Variants in TIMP2 observed in about 807,000 individuals in gnomAD.
TIMP2 encodes the protein TIMP metallopeptidase inhibitor 2, also known as metalloproteinase inhibitor 2.
A neutral mutation model predicts 24.3 loss-of-function variants in TIMP2; 5 were observed. That is an observed-to-expected ratio of 0.21 (90% CI 0.11 to 0.43). TIMP2 has a LOEUF of 0.43. Among genes scored for constraint, TIMP2 ranks in the 20% least tolerant of loss-of-function variants. The probability of loss-of-function intolerance (pLI) is 1.00; values close to 1 mark genes in which losing one functional copy is unlikely to be tolerated. For missense variants in TIMP2, 221 were observed against 297.5 expected, an observed-to-expected ratio of 0.74 and a Z score of 1.89; for synonymous variants, 130 against 123.2, an observed-to-expected ratio of 1.06 and a Z score of -0.37.
At chr17:78,888,643 G>T (rs2069848387) in intron 1 of TIMP2, among the ~76,000 whole-genome samples, 1 of 152,092 alleles carries the variant, frequency 6.6e-6, no homozygotes, top group South Asian at 2.1e-4. Flanking sequence ...GTAGGATAGG[G>T]TCTCCCCATG....
chr17:78,891,097 T>G lies in TIMP2; in HGVS notation c.131-17178A>C. ...CCAGTTTGGGGGTCTCTTGTCCAGA[T>G]TCAGTGCTATACAATAATGAGTCCT... is the stretch of plus-strand genomic sequence containing the variant. On this transcript the variant is annotated intron_variant, in intron 1 of 4. Transcript: ENST00000262768. This position sits in a 1 kb window ranked among gnomAD's most constrained non-coding sequence, Gnocchi z 4.5. 6.4e-7 allele frequency: 1 copy of G among 1,550,846 alleles called. No homozygotes were observed. Among genetic ancestry groups the G allele is most frequent in the South Asian group, 1.2e-5 (1 of 84,060 alleles).
chr17:78,917,689 C>G (rs1332597643), intron 1 of TIMP2, among the ~76,000 whole-genome samples: 1 of 152,118 alleles, frequency 6.6e-6, no homozygotes, highest in Admixed American at 6.5e-5. Context: ...CCATGGAAGA[C>G]AACCACAGAA....
intron 3 of TIMP2, among the ~76,000 whole-genome samples, chr17:78,869,384 C>T (rs2145752626): frequency 6.7e-6 from 1 of 150,098 alleles, no homozygotes; most frequent in East Asian, 2.0e-4. Flanking sequence ...GATCGCACTC[C>T]AGCCTGGGAA....
intron 1 of TIMP2, among the ~76,000 whole-genome samples, chr17:78,886,861 A>C (rs2069829526): frequency 6.6e-6 from 1 of 152,040 alleles, no homozygotes; most frequent in Non-Finnish European, 1.5e-5. Flanking sequence ...AGTAGCTGGA[A>C]CTATAGGTGC....
At chr17:78,875,191 A>G (rs1458589825) in intron 1 of TIMP2, among the ~76,000 whole-genome samples, 3 of 152,138 alleles carry the variant, frequency 2.0e-5, no homozygotes, top group African/African-American at 4.8e-5. Flanking sequence ...GTGATTCTTT[A>G]CAGTAACACA....
intron 1 of TIMP2, among the ~76,000 whole-genome samples, chr17:78,880,280 C>T (rs560130401): frequency 1.4e-4 from 21 of 152,296 alleles, no homozygotes; most frequent in African/African-American, 5.1e-4. Flanking sequence ...CTTCATACAC[C>T]CACCAACATC....
In TIMP2 at chr17:78,857,584, T is replaced by A. The variant is rs752340133; in HGVS notation, c.403A>T (p.Thr135Ser). Residue 135 changes from threonine to serine, a missense_variant, in exon 4 of 5, where the codon ACC becomes TCC. Physicochemically the swap from Thr to Ser is moderately conservative, Grantham distance 58. Coordinates refer to ENST00000262768, the MANE Select transcript of TIMP2 (RefSeq NM_003255.5). ...CTCTTCTTCTGGGTGGTGCTCAGGG[T>A]GTCCCAGGGCACGATGAAGTCACAG... The part of the protein sequence containing the change: ...TLCDFIVPWD[T>S]LSTTQKKSLN... 1.1e-5 allele frequency: 17 copies of A among 1,614,008 alleles called. No homozygotes were observed. In the Admixed American group the frequency reaches 2.8e-4, roughly 27 times the overall value.
chr17:78,891,310 T>C lies in TIMP2; in HGVS notation c.131-17391A>G. The C allele has an allele frequency of 6.4e-7, 1 of 1,550,496 alleles. No homozygotes were observed. Among genetic ancestry groups the C allele is most frequent in the Non-Finnish European group, 8.7e-7 (1 of 1,146,958 alleles). On this transcript the variant is annotated intron_variant, in intron 1 of 4. Coordinates refer to ENST00000262768, the MANE Select transcript of TIMP2 (RefSeq NM_003255.5). This position sits in a 1 kb window ranked among gnomAD's most constrained non-coding sequence, Gnocchi z 4.5. The stretch of plus-strand genomic sequence containing the variant: ...TGGGTTCCCCGGCAGGCAGCATCTC[T>C]GGGTCTGCCATTTTCTTCCCTCTTG...
chr17:78,895,241 A>G (rs771689003), intron 1 of TIMP2, among the ~76,000 whole-genome samples: 2 of 152,234 alleles, frequency 1.3e-5, no homozygotes, highest in Non-Finnish European at 2.9e-5. Flanking sequence ...AGATTGCACC[A>G]TTGCACTCCA....
intron 3 of TIMP2, among the ~76,000 whole-genome samples, 154 bp downstream of exon 3, chr17:78,870,744 G>A (rs145580902): frequency 2.6e-5 from 4 of 151,962 alleles, no homozygotes; most frequent in Admixed American, 6.6e-5. Context: ...ATTCTCTGAC[G>A]GGAAGTGGCC....
At chr17:78,913,895 G>GGA (rs71161636) in intron 1 of TIMP2, among the ~76,000 whole-genome samples, 2,152 of 102,234 alleles carry the variant, frequency 0.021, 35 homozygotes, top group African/African-American at 0.045. Context: ...CTGTCTCGGG[G>GGA]AAAAAAAAAA....
chr17:78,892,662 G>A, intron 1 of TIMP2: 1 of 731,890 alleles, frequency 1.4e-6, no homozygotes, highest in East Asian at 2.8e-5. Context: ...AGCCTGTAGG[G>A]CAGCTGTTTT....
chr17:78,923,061 C>T (rs1203315307), intron 1 of TIMP2, among the ~76,000 whole-genome samples: 1 of 152,108 alleles, frequency 6.6e-6, no homozygotes, highest in Non-Finnish European at 1.5e-5. Flanking sequence ...GTCACAGCGG[C>T]CACAGGAAGC....
Position 78,923,750 on chromosome 17 carries a change from T to C in TIMP2, c.130+1209A>G, listed in dbSNP as rs544724159. ...AGCCACCTGAGACCTGTGATCTCAA[T>C]AGATTGGTGCAACTGAAAACTTCCC... On this transcript the variant is annotated intron_variant, in intron 1 of 4. Transcript: ENST00000262768. Among the ~76,000 whole-genome samples, 5 of 152,162 alleles carry C rather than the reference T, an allele frequency of 3.3e-5. No individual in the cohort carries two copies. The Middle Eastern group carries it at 0.014, about 414-fold the overall frequency.
chr17:78,904,519 T>C (rs2070139379), intron 1 of TIMP2: 1 of 152,162 alleles, frequency 6.6e-6, no homozygotes, highest in Non-Finnish European at 1.5e-5. Flanking sequence ...AAAGGTTATC[T>C]GGTCCCTGAC....
rs538367090 is a variant in TIMP2 at position 78,871,702 on chromosome 17, T to C, written c.232-696A>G. Among the ~76,000 whole-genome samples, 32 of 151,684 alleles carry C rather than the reference T, an allele frequency of 2.1e-4. 1 individual carries two copies. The South Asian group carries it at 6.2e-3, about 30-fold the overall frequency. Reference sequence around the variant, plus strand: ...TCTACTAAAAATACAGAAATTTAGCTGGGCGTGGTGGCGGGCGCCTGTAGT... The same window carrying C: ...TCTACTAAAAATACAGAAATTTAGCCGGGCGTGGTGGCGGGCGCCTGTAGT... On this transcript the variant is annotated intron_variant, in intron 2 of 4. Transcript: ENST00000262768.
chr17:78,870,765 C>G, intron 3 of TIMP2, 133 bp downstream of exon 3: 1 of 645,684 alleles, frequency 1.5e-6, no homozygotes, highest in South Asian at 2.1e-5. Context: ...GAGAGGGCTC[C>G]GTACCCTGCC....
intron 1 of TIMP2, among the ~76,000 whole-genome samples, chr17:78,903,888 G>C (rs1390314821): frequency 6.6e-6 from 1 of 152,106 alleles, no homozygotes; most frequent in African/African-American, 2.4e-5. Context: ...GCATCTTAAG[G>C]TCTGTGGTAA....
intron 3 of TIMP2, among the ~76,000 whole-genome samples, chr17:78,867,769 T>G (rs2069631057): frequency 6.6e-6 from 1 of 151,582 alleles, no homozygotes; most frequent in Non-Finnish European, 1.5e-5. Context: ...CTAATTTTTT[T>G]TTTGTATTTT....
Sources: allele counts gnomAD v4.1 joint callset (sites outside exome capture counted in the v4.1 genomes callset), GRCh38; gene constraint gnomAD v4.1.1; non-coding constraint Gnocchi (gnomAD v3.1); transcripts MANE v1.5; gene names NCBI Gene and HGNC (gene_info 2026-07-23, HGNC 2026-07-21).